Variants in RASEF observed in about 807,000 individuals in gnomAD.
RASEF encodes ras and EF-hand domain-containing protein.
Under a neutral mutation model 90.1 loss-of-function variants are expected in RASEF, and 68 were observed. The observed-to-expected ratio is 0.75, with a 90% CI of 0.62 to 0.92. The LOEUF is 0.92. RASEF is among the 40% of genes least tolerant of loss of function. RASEF has a pLI of 0.00. For synonymous variants in RASEF, 331 were observed against 345.2 expected, an observed-to-expected ratio of 0.96 and a Z score of 0.46; for missense variants, 949 against 937.2, an observed-to-expected ratio of 1.01 and a Z score of -0.16.
chr9:83,120,282 T>C, the RASEF span, among the ~76,000 whole-genome samples: 5 of 152,190 alleles, frequency 3.3e-5, no homozygotes, highest in Non-Finnish European at 7.3e-5. Flanking sequence ...CACAAATGTT[T>C]GGTTTTTCTC....
the RASEF span, among the ~76,000 whole-genome samples, chr9:83,147,059 T>TATATATATAA: frequency 1.8e-4 from 27 of 147,852 alleles, no homozygotes; most frequent in East Asian, 3.4e-3. Context: ...TATATATATA[T>TATATATATAA]AAATATGTAC....
the RASEF span, among the ~76,000 whole-genome samples, chr9:83,139,497 GA>G: frequency 6.6e-6 from 1 of 152,016 alleles, no homozygotes; most frequent in Admixed American, 6.6e-5. Flanking sequence ...ATAAACTGAG[GA>G]AAAATGTTAT....
chr9:83,185,333 TTTTC>T, the RASEF span, among the ~76,000 whole-genome samples: 31 of 148,542 alleles, frequency 2.1e-4, no homozygotes, highest in African/African-American at 3.0e-4. Context: ...TGTGCTTTCT[TTTTC>T]TTTCTTTCTT....
chr9:83,000,128 G>A (rs778068076), intron 12 of RASEF, 41 bp downstream of exon 12: 17 of 1,586,166 alleles, frequency 1.1e-5, no homozygotes, highest in Non-Finnish European at 1.2e-5. Flanking sequence ...TCAAGCTAAG[G>A]AAGGTCATTT....
At chr9:83,088,173 G>A in the RASEF span, among the ~76,000 whole-genome samples, 1,007 of 152,128 alleles carry the variant, frequency 6.6e-3, 12 homozygotes, top group Non-Finnish European at 0.012. Flanking sequence ...CCTGCAGAAT[G>A]TTCCATATCC....
chr9:83,186,134 A>C, the RASEF span, among the ~76,000 whole-genome samples: 2 of 152,110 alleles, frequency 1.3e-5, no homozygotes, highest in South Asian at 2.1e-4. Flanking sequence ...GTTTCTGTAA[A>C]ATTTTATTTA....
At chr9:83,166,504 GA>G in the RASEF span, among the ~76,000 whole-genome samples, 8 of 152,214 alleles carry the variant, frequency 5.3e-5, no homozygotes, top group African/African-American at 1.9e-4. Context: ...CAACCAGAAA[GA>G]CAAGTCCAGG....
chr9:83,172,977 A>G, the RASEF span, among the ~76,000 whole-genome samples: 2 of 152,102 alleles, frequency 1.3e-5, no homozygotes, highest in Non-Finnish European at 2.9e-5. Flanking sequence ...GAAAGTCTTT[A>G]TCTCTCCTGC....
At chr9:83,169,940 C>T in the RASEF span, among the ~76,000 whole-genome samples, 18 of 151,902 alleles carry the variant, frequency 1.2e-4, no homozygotes, top group Admixed American at 6.6e-5. Flanking sequence ...GATATAATCC[C>T]ATTTGTCATT....
At chr9:83,215,565 C>A in the RASEF span, among the ~76,000 whole-genome samples, 812 of 152,328 alleles carry the variant, frequency 5.3e-3, 7 homozygotes, top group African/African-American at 0.019. Flanking sequence ...AGGGAACTCT[C>A]CCATTTCAAA....
At chr9:83,193,095 T>A in the RASEF span, among the ~76,000 whole-genome samples, 1 of 152,192 alleles carries the variant, frequency 6.6e-6, no homozygotes, top group Non-Finnish European at 1.5e-5. Context: ...CCTCTGCGAA[T>A]GAAGCGCAAC....
At chr9:83,112,262 T>A in the RASEF span, among the ~76,000 whole-genome samples, 1 of 152,230 alleles carries the variant, frequency 6.6e-6, no homozygotes, top group Non-Finnish European at 1.5e-5. Context: ...TGTCTGTTAA[T>A]CCAGTAATTA....
chr9:83,125,315 C>T, the RASEF span, among the ~76,000 whole-genome samples: 1 of 152,170 alleles, frequency 6.6e-6, no homozygotes, highest in African/African-American at 2.4e-5. Flanking sequence ...ACAGATTCTC[C>T]TCTAGTGCTT....
chr9:83,040,277 C>A (rs570999504), intron 1 of RASEF, among the ~76,000 whole-genome samples: 201 of 152,288 alleles, frequency 1.3e-3, no homozygotes, highest in Non-Finnish European at 2.2e-3. Flanking sequence ...ATCTCAACAT[C>A]AGCTGAATGG....
Position 83,058,172 on chromosome 9 carries a change from C to CTTTTTTTTTTTTTTTT in RASEF, c.431+4249_431+4264dup, listed in dbSNP as rs555842009. Among the ~76,000 whole-genome samples, 2 of 57,888 alleles carry CTTTTTTTTTTTTTTTT rather than the reference C, an allele frequency of 3.5e-5. 1 individual carries two copies. Among genetic ancestry groups the CTTTTTTTTTTTTTTTT allele is most frequent in the South Asian group, 1.4e-3 (2 of 1,472 alleles). The allele number at this position is 57,888 out of a possible 152,430, so 38.0% of individuals were successfully genotyped here. A position where few individuals can be genotyped will look rare whatever the true frequency, so the allele number is the denominator to read the frequency against. On this transcript the variant is annotated intron_variant, in intron 1 of 16. Transcript: ENST00000376447. ...CGGCTCACTCCTGATGTATTTATGTCTTTTTTTTTTTTTTTTTTTTTTTTT... is the reference window on the plus strand; with the variant it reads ...CGGCTCACTCCTGATGTATTTATGTCTTTTTTTTTTTTTTTTTTTTTTTTTTTTTTTTTTTTTTTTT...
chr9:83,111,084 C>A, the RASEF span, among the ~76,000 whole-genome samples: 10 of 152,110 alleles, frequency 6.6e-5, no homozygotes, highest in Non-Finnish European at 1.3e-4. Flanking sequence ...AAAGAAATAA[C>A]AGTATTGAAG....
At chr9:83,137,931 G>A in the RASEF span, among the ~76,000 whole-genome samples, 2 of 151,948 alleles carry the variant, frequency 1.3e-5, no homozygotes. Context: ...TTAAAGGATT[G>A]ACTTCCTTGG....
chr9:83,048,820 T>A (rs1170737274), intron 1 of RASEF: 2 of 928,122 alleles, frequency 2.2e-6, no homozygotes, highest in East Asian at 1.2e-4. Context: ...TTGATTAACA[T>A]GTAGACCTTA....
chr9:83,079,286 C>T, the RASEF span, among the ~76,000 whole-genome samples: 4 of 152,272 alleles, frequency 2.6e-5, no homozygotes, highest in East Asian at 5.8e-4. Context: ...CCAGTTAGCC[C>T]AGCAAAATTT....
Sources: gnomAD v4.1 joint callset for allele counts (sites outside exome capture counted in the v4.1 genomes callset) on GRCh38, gnomAD v4.1.1 for gene constraint, MANE v1.5 for transcripts, NCBI Gene and HGNC (gene_info 2026-07-23, HGNC 2026-07-21) for gene names.